The following CSMD1 variants were observed in gnomAD, a reference collection of about 807,000 sequenced individuals.
CSMD1 encodes the protein CUB and Sushi multiple domains 1.
A neutral mutation model predicts 417.5 loss-of-function variants in CSMD1; 213 were observed. That is an observed-to-expected ratio of 0.51 (90% CI 0.46 to 0.57). The LOEUF (loss-of-function observed/expected upper bound fraction) is 0.57, where lower values mean the gene tolerates loss of function less well. Ranked by LOEUF, CSMD1 falls within the 20% of genes least tolerant of loss-of-function variation. CSMD1 has a pLI of 0.00. For synonymous variants in CSMD1, 2,862 were observed against 1,736.8 expected (o/e 1.65, Z -16.11); for missense variants, 6,923 against 4,529.7 (o/e 1.53, Z -15.17).
intron 11 of CSMD1, among the ~76,000 whole-genome samples, chr8:3,472,226 G>A (rs1320557216): frequency 6.6e-6 from 1 of 152,048 alleles, no homozygotes; most frequent in Non-Finnish European, 1.5e-5. Context: ...TGCAAGGTAT[G>A]AAATCACTGG....
intron 1 of CSMD1, among the ~76,000 whole-genome samples, chr8:4,878,345 A>G (rs113707715): frequency 1.2e-4 from 18 of 152,122 alleles, no homozygotes; most frequent in African/African-American, 3.9e-4. Flanking sequence ...AAATGTACAC[A>G]TAAGTTGTGT....
At chr8:4,825,179 A>G (rs1490154844) in intron 1 of CSMD1, among the ~76,000 whole-genome samples, 1 of 152,136 alleles carries the variant, frequency 6.6e-6, no homozygotes, top group South Asian at 2.1e-4. Flanking sequence ...GACTTATCTG[A>G]CATTTTTGAA....
intron 10 of CSMD1, among the ~76,000 whole-genome samples, chr8:3,572,761 C>T (rs990142303): frequency 1.3e-5 from 2 of 152,054 alleles, no homozygotes; most frequent in Non-Finnish European, 2.9e-5. Flanking sequence ...TTTATTTGAG[C>T]CCCTATGGAA....
At chr8:2,974,713 C>A (rs1003950913) in intron 55 of CSMD1, 89 bp from the exon 56 acceptor site, 1 of 879,800 alleles carries the variant, frequency 1.1e-6, no homozygotes, top group Admixed American at 3.7e-5. Flanking sequence ...CCCATACTGA[C>A]ATCATGTATT....
intron 3 of CSMD1, among the ~76,000 whole-genome samples, chr8:4,192,879 T>A (rs1294936763): frequency 6.6e-6 from 1 of 152,212 alleles, no homozygotes; most frequent in Non-Finnish European, 1.5e-5. Flanking sequence ...TTCTAGGAAC[T>A]TGATTCCATA....
intron 16 of CSMD1, among the ~76,000 whole-genome samples, chr8:3,398,623 T>A (rs1283923235): frequency 6.6e-6 from 1 of 152,182 alleles, no homozygotes; most frequent in Non-Finnish European, 1.5e-5. Context: ...AGAAGGTCAT[T>A]GTTAGAGAAA....
intron 12 of CSMD1, among the ~76,000 whole-genome samples, chr8:3,456,822 C>T (rs1166947493): frequency 6.6e-6 from 1 of 152,092 alleles, no homozygotes; most frequent in Non-Finnish European, 1.5e-5. Context: ...CAGGGGTATT[C>T]AGAACAAACT....
chr8:3,882,403 A>G (rs1046584734), intron 5 of CSMD1, among the ~76,000 whole-genome samples: 3 of 152,218 alleles, frequency 2.0e-5, no homozygotes, highest in Non-Finnish European at 4.4e-5. Flanking sequence ...AAAACAGGAA[A>G]CCTGCCAAAT....
At chr8:4,460,028 A>T (rs576589993) in intron 2 of CSMD1, among the ~76,000 whole-genome samples, 1 of 152,328 alleles carries the variant, frequency 6.6e-6, no homozygotes, top group East Asian at 1.9e-4. Flanking sequence ...GAATGAACAG[A>T]CATCTACAGA....
Position 4,066,891 on chromosome 8 carries a change from G to C in CSMD1, c.416-34792C>G, listed in dbSNP as rs551252392. ...TTTAACACAGCCTCACAGAACAAAC[G>C]TAACTATAACATTATGCTTTAAGTA... On this transcript the variant is annotated intron_variant, in intron 3 of 69. Coordinates refer to ENST00000635120, the MANE Select transcript of CSMD1 (RefSeq NM_033225.6). Among the ~76,000 whole-genome samples, 7 of 152,284 alleles carry C rather than the reference G, an allele frequency of 4.6e-5. No individual in the cohort carries two copies. The South Asian group carries it at 1.0e-3, about 23-fold the overall frequency.
chr8:3,316,042 G>C (rs1378316075), intron 23 of CSMD1, among the ~76,000 whole-genome samples: 2 of 152,106 alleles, frequency 1.3e-5, no homozygotes, highest in Non-Finnish European at 2.9e-5. Flanking sequence ...CACTATGCAC[G>C]TATGTTCTCT....
chr8:4,115,776 C>A (rs1161960137), intron 3 of CSMD1, among the ~76,000 whole-genome samples: 2 of 151,472 alleles, frequency 1.3e-5, no homozygotes, highest in African/African-American at 4.9e-5. Context: ...GCTATCAAGC[C>A]ATGAAAAGTC....
At chr8:4,010,176 G>C (rs1019948269) in intron 4 of CSMD1, among the ~76,000 whole-genome samples, 2 of 152,028 alleles carry the variant, frequency 1.3e-5, no homozygotes, top group Non-Finnish European at 2.9e-5. Context: ...TACATCTGTA[G>C]TCCACGTACA....
chr8:4,257,892 G>C (rs527993663), intron 3 of CSMD1, among the ~76,000 whole-genome samples: 1 of 152,278 alleles, frequency 6.6e-6, no homozygotes, highest in Middle Eastern at 3.4e-3. Context: ...CCTCTGTTGT[G>C]ACCAGGCTAA....
At chr8:3,991,499 G>A (rs1286053095) in intron 5 of CSMD1, among the ~76,000 whole-genome samples, 1 of 152,140 alleles carries the variant, frequency 6.6e-6, no homozygotes, top group African/African-American at 2.4e-5. Flanking sequence ...GTTATACCCA[G>A]AAATATGCTC....
At chr8:3,681,944 G>A (rs537638717) in intron 7 of CSMD1, among the ~76,000 whole-genome samples, 122 of 152,278 alleles carry the variant, frequency 8.0e-4, no homozygotes, top group Middle Eastern at 6.8e-3. Flanking sequence ...ATGGGGAAAG[G>A]ATTCCCTATT....
At chr8:4,910,955 G>C (rs947901301) in intron 1 of CSMD1, among the ~76,000 whole-genome samples, 4 of 152,126 alleles carry the variant, frequency 2.6e-5, no homozygotes, top group Admixed American at 6.5e-5. Context: ...TTCTCACCTA[G>C]TGAATAAGCC....
intron 3 of CSMD1, among the ~76,000 whole-genome samples, chr8:4,195,455 T>C (rs796495195): frequency 2.6e-5 from 4 of 152,322 alleles, no homozygotes; most frequent in East Asian, 1.9e-4. Context: ...AGTGTGGCAG[T>C]ACAGCCTTAA....
chr8:3,077,359 G>A (rs1338529652), intron 49 of CSMD1, among the ~76,000 whole-genome samples: 1 of 152,138 alleles, frequency 6.6e-6, no homozygotes, highest in Non-Finnish European at 1.5e-5. Context: ...ATGAGAAGAT[G>A]AGAAGCAACT....
Sources: allele counts gnomAD v4.1 joint callset (sites outside exome capture counted in the v4.1 genomes callset), GRCh38; gene constraint gnomAD v4.1.1; transcripts MANE v1.5; gene names NCBI Gene and HGNC (gene_info 2026-07-23, HGNC 2026-07-21).